ANK3: variants seen among roughly 807,000 people sequenced by gnomAD.
ANK3 encodes the protein ankyrin 3, also known as ankyrin-3.
A neutral mutation model predicts 370.9 loss-of-function variants in ANK3; 57 were observed. That is an observed-to-expected ratio of 0.15 (90% confidence interval 0.12 to 0.19). The LOEUF is 0.19. Ranked by LOEUF, ANK3 falls within the 10% of genes least tolerant of loss-of-function variation. ANK3 has a pLI of 1.00. For missense variants in ANK3, 4,439 were observed against 5,302.1 expected (o/e 0.84, Z 5.06); for synonymous variants, 1,929 against 1,946.3 (o/e 0.99, Z 0.23).
intron 17 of ANK3, chr10:60,186,498 G>A (rs753519728): frequency 3.9e-5 from 24 of 614,298 alleles, no homozygotes; most frequent in Non-Finnish European, 1.8e-5. Flanking sequence ...TTAAATGCCT[G>A]AGCCAGAGCA....
intron 1 of ANK3, among the ~76,000 whole-genome samples, chr10:60,301,755 C>A (rs997810815): frequency 6.6e-6 from 1 of 152,098 alleles, no homozygotes; most frequent in Non-Finnish European, 1.5e-5. Context: ...TCAACTAATA[C>A]AATTCAGCTT....
chr10:60,495,370 C>T (rs1204783393), intron 2 of ANK3, among the ~76,000 whole-genome samples: 1 of 152,152 alleles, frequency 6.6e-6, no homozygotes. Context: ...TGGGCTACAC[C>T]TAGACTTACT....
At chr10:60,405,404 T>A (rs2063433871) in intron 2 of ANK3, among the ~76,000 whole-genome samples, 1 of 152,184 alleles carries the variant, frequency 6.6e-6, no homozygotes, top group Non-Finnish European at 1.5e-5. Context: ...GAGTATATAC[T>A]GTATGTTCCA....
At chr10:60,491,783 G>T (rs536513667) in intron 2 of ANK3, among the ~76,000 whole-genome samples, 1 of 152,236 alleles carries the variant, frequency 6.6e-6, no homozygotes, top group South Asian at 2.1e-4. Flanking sequence ...TCAAATCTCA[G>T]TTTTACTCCT....
At chr10:60,237,808 A>C (rs77947588) in intron 7 of ANK3, among the ~76,000 whole-genome samples, 1,995 of 152,254 alleles carry the variant, frequency 0.013, 40 homozygotes, top group African/African-American at 0.046. Context: ...AAAGGACCTG[A>C]ACTTCTGTAA....
At chr10:60,699,970 G>A (rs541895992) in intron 1 of ANK3, among the ~76,000 whole-genome samples, 6 of 152,200 alleles carry the variant, frequency 3.9e-5, no homozygotes, top group African/African-American at 1.2e-4. Context: ...TCTTTTAGGG[G>A]ATGTAAAGAT....
chr10:60,198,933 G>T (rs1354070961), intron 13 of ANK3, among the ~76,000 whole-genome samples: 1 of 152,194 alleles, frequency 6.6e-6, no homozygotes, highest in African/African-American at 2.4e-5. Context: ...CACATGGAAT[G>T]AATTATTTTG....
intron 2 of ANK3, among the ~76,000 whole-genome samples, chr10:60,535,590 C>A (rs2076706463): frequency 6.6e-6 from 1 of 152,014 alleles, no homozygotes; most frequent in Admixed American, 6.6e-5. Flanking sequence ...GCTGTAATTT[C>A]TTGGCTTGTT....
intron 1 of ANK3, among the ~76,000 whole-genome samples, chr10:60,319,025 T>C (rs2048060772): frequency 6.6e-6 from 1 of 152,228 alleles, no homozygotes; most frequent in African/African-American, 2.4e-5. Context: ...CAGAGCCTAA[T>C]GTACTTGGTA....
At chr10:60,253,145 T>A (rs1016248998) in intron 7 of ANK3, among the ~76,000 whole-genome samples, 1 of 152,172 alleles carries the variant, frequency 6.6e-6, no homozygotes, top group African/African-American at 2.4e-5. Context: ...CACTGTCCCA[T>A]ATGTACTCTA....
intron 2 of ANK3, among the ~76,000 whole-genome samples, chr10:60,496,514 C>T (rs1300534657): frequency 2.0e-5 from 3 of 151,716 alleles, no homozygotes; most frequent in Middle Eastern, 6.8e-3. Context: ...TCATAGAATA[C>T]TACATAACAT....
chr10:60,211,752 T>C (rs1289701626), intron 9 of ANK3, among the ~76,000 whole-genome samples: 2 of 152,080 alleles, frequency 1.3e-5, no homozygotes, highest in African/African-American at 2.4e-5. Context: ...GGGAACCTAA[T>C]TGTGACATTA....
intron 1 of ANK3, among the ~76,000 whole-genome samples, chr10:60,730,616 A>G (rs2080008808): frequency 6.6e-6 from 1 of 152,220 alleles, no homozygotes; most frequent in Non-Finnish European, 1.5e-5. Flanking sequence ...TCGACAAAGG[A>G]TGAAAATAAA....
chr10:60,067,271 A>C (rs2131957485), intron 38 of ANK3, among the ~76,000 whole-genome samples: 1 of 152,252 alleles, frequency 6.6e-6, no homozygotes, highest in South Asian at 2.1e-4. Flanking sequence ...ATCACATTTA[A>C]AAATTTTTAA....
At chr10:60,521,119 T>C (rs2076336676) in intron 2 of ANK3, among the ~76,000 whole-genome samples, 1 of 152,104 alleles carries the variant, frequency 6.6e-6, no homozygotes, top group Non-Finnish European at 1.5e-5. Context: ...GACTAGGTTA[T>C]TAATTATGGA....
At chr10:60,135,803 G>A (rs1018068680) in intron 24 of ANK3, among the ~76,000 whole-genome samples, 6 of 152,068 alleles carry the variant, frequency 3.9e-5, no homozygotes, top group South Asian at 2.1e-4. Flanking sequence ...CTTTTATCAA[G>A]GTACAGAGCC....
rs531560093 is a variant in ANK3, at chr10:60,181,171, G to A, written c.2184+158C>T. On this transcript the variant is annotated intron_variant, in intron 18 of 43. Transcript: ENST00000280772. ...CAAAAGTCCCTGGAATACGGCAACC[G>A]GAGACTTTAGTGTCCCTTGCATAAA... Among the ~76,000 whole-genome samples, 68 of 152,248 alleles carry A rather than the reference G, an allele frequency of 4.5e-4. 1 individual carries two copies. The highest frequency in any genetic ancestry group is 6.8e-3 in the Middle Eastern group (2 of 294).
At chr10:60,607,849 A>G (rs2078148679) in intron 2 of ANK3, among the ~76,000 whole-genome samples, 1 of 152,208 alleles carries the variant, frequency 6.6e-6, no homozygotes, top group South Asian at 2.1e-4. Flanking sequence ...CAAAAACCAG[A>G]GAATGGTCAC....
chr10:60,386,842 G>A (rs370789775), intron 1 of ANK3, among the ~76,000 whole-genome samples: 30 of 152,120 alleles, frequency 2.0e-4, no homozygotes, highest in East Asian at 9.7e-4. Context: ...GCTTTTGAGC[G>A]TATCCACTAT....
Sources: gnomAD v4.1 joint callset for allele counts (sites outside exome capture counted in the v4.1 genomes callset) on GRCh38, gnomAD v4.1.1 for gene constraint, MANE v1.5 for transcripts, NCBI Gene and HGNC (gene_info 2026-07-23, HGNC 2026-07-21) for gene names.